SPAST: variants seen among roughly 807,000 people sequenced by gnomAD.
SPAST encodes the protein spastic paraplegia 4 (autosomal dominant; spastin).
SPAST carries 30 observed loss-of-function variants against 76.6 expected under a neutral mutation model. The ratio of observed to expected loss-of-function variants is 0.39; its 90% confidence interval spans 0.29 to 0.53. The LOEUF is 0.53. Among genes scored for constraint, SPAST ranks in the 20% least tolerant of loss-of-function variants. The pLI is 0.68. For synonymous variants in SPAST, 305 were observed against 281.0 expected (o/e 1.09, Z -0.86); for missense variants, 717 against 770.5 (o/e 0.93, Z 0.82).
Position 32,136,731 on chromosome 2 carries a change from A to C in SPAST, c.1321+93A>C, listed in dbSNP as rs1369491979. The stretch of plus-strand genomic sequence containing the variant: ...ACGATTGGAAACATTATTCAGAAGG[A>C]AGAAGTTTTAAAGAAGGGCAAGCTT... On this transcript the variant is annotated intron_variant, in intron 10 of 16. Transcript: ENST00000315285. 19 of 1,325,194 alleles carry C rather than the reference A, an allele frequency of 1.4e-5. No homozygotes were observed. In the South Asian group the frequency reaches 2.0e-4, roughly 14 times the overall value. The allele number at this position is 1,325,194 out of a possible 1,614,324, so 82.1% of individuals were successfully genotyped here.
chr2:32,120,495 C>T (rs1421555846), intron 7 of SPAST, among the ~76,000 whole-genome samples: 1 of 151,048 alleles, frequency 6.6e-6, no homozygotes, highest in Non-Finnish European at 1.5e-5. Flanking sequence ...TTCATCTTAT[C>T]GATTGATAAT....
intron 1 of SPAST, among the ~76,000 whole-genome samples, chr2:32,068,762 C>T (rs193279988): frequency 1.7e-4 from 26 of 151,820 alleles, no homozygotes; most frequent in Admixed American, 1.5e-3. Context: ...GATGTGGTGG[C>T]GGGTGTGTGT....
At chr2:32,090,448 C>T (rs915573303) in intron 3 of SPAST, among the ~76,000 whole-genome samples, 2 of 152,112 alleles carry the variant, frequency 1.3e-5, no homozygotes, top group Non-Finnish European at 1.5e-5. Flanking sequence ...TATTATACCT[C>T]TAAAAGATAA....
At chr2:32,143,951 T>C (rs1309019830) in intron 14 of SPAST, among the ~76,000 whole-genome samples, 1 of 152,224 alleles carries the variant, frequency 6.6e-6, no homozygotes, top group Admixed American at 6.5e-5. Flanking sequence ...TGAATACTTT[T>C]CAGCTCTTTT....
intron 9 of SPAST, chr2:32,129,632 C>G (rs1299816070): frequency 2.0e-5 from 3 of 152,178 alleles, no homozygotes; most frequent in Non-Finnish European, 2.9e-5. Flanking sequence ...TTGTCTTTCT[C>G]CCTCTCTCCC....
chr2:32,134,495 G>A (rs1679471128), intron 9 of SPAST, among the ~76,000 whole-genome samples: 1 of 151,596 alleles, frequency 6.6e-6, no homozygotes, highest in African/African-American at 2.4e-5. Context: ...GTAGTGACAA[G>A]GTGTCACTGT....
At chr2:32,118,476 G>A (rs952533914) in intron 7 of SPAST, among the ~76,000 whole-genome samples, 6 of 152,094 alleles carry the variant, frequency 3.9e-5, no homozygotes, top group African/African-American at 1.4e-4. Context: ...TACCACCTCA[G>A]GTCACACTTT....
rs376722371 is a variant in SPAST at position 32,147,185 on chromosome 2, T to C, written c.1688-33T>C. On this transcript the variant is annotated intron_variant, in intron 15 of 16. Transcript: ENST00000315285. ...AACAATTTCAACTGCAAAATGTATG[T>C]ATTTTTAAGTGCCTGACTTTTATGT... 2.2e-4 allele frequency: 343 copies of C among 1,550,058 alleles called. 1 individual carries two copies. The highest frequency in any genetic ancestry group is 2.8e-4 in the Non-Finnish European group (316 of 1,121,946).
chr2:32,127,157 T>C, intron 8 of SPAST, 135 bp downstream of exon 8: 1 of 724,942 alleles, frequency 1.4e-6, no homozygotes, highest in East Asian at 2.7e-5. Flanking sequence ...TTTTTTTGTT[T>C]GTTTGTTTTG....
intron 1 of SPAST, among the ~76,000 whole-genome samples, chr2:32,084,887 C>CAAA (rs34046587): frequency 2.6e-4 from 21 of 81,538 alleles, no homozygotes; most frequent in Non-Finnish European, 3.9e-4. Flanking sequence ...GACTCCGTCT[C>CAAA]AAAAAAAAAA....
chr2:32,096,628 A>G (rs1453354691), intron 3 of SPAST, among the ~76,000 whole-genome samples: 2 of 152,198 alleles, frequency 1.3e-5, no homozygotes, highest in African/African-American at 4.8e-5. Context: ...GAAATCCTAT[A>G]GCTTTTTATT....
intron 4 of SPAST, among the ~76,000 whole-genome samples, chr2:32,100,292 T>G (rs1352378526): frequency 6.6e-6 from 1 of 151,906 alleles, no homozygotes; most frequent in African/African-American, 2.4e-5. Context: ...ATCTTTGTTT[T>G]TGACGGTCCA....
chr2:32,072,440 A>C lies in SPAST; in HGVS notation c.415+8194A>C, dbSNP rs137895961. Among the ~76,000 whole-genome samples the C allele has an allele frequency of 7.8e-4, 118 of 152,120 alleles. 1 individual carries two copies. In the East Asian group the frequency reaches 0.021, roughly 27 times the overall value. On this transcript the variant is annotated intron_variant, in intron 1 of 16. Coordinates refer to ENST00000315285, the MANE Select transcript of SPAST (RefSeq NM_014946.4). ...GCGTCTTATTGCTACAAAACATCTT[A>C]ATATCTCTGTTTTAATGTTAATGCT...
intron 9 of SPAST, among the ~76,000 whole-genome samples, chr2:32,132,825 C>T (rs1160047386): frequency 6.6e-6 from 1 of 152,014 alleles, no homozygotes; most frequent in Non-Finnish European, 1.5e-5. Context: ...ATGGAGAAAC[C>T]CCATGTTTCT....
At chr2:32,117,671 A>G (rs1678887437) in intron 7 of SPAST, among the ~76,000 whole-genome samples, 1 of 150,784 alleles carries the variant, frequency 6.6e-6, no homozygotes, top group Non-Finnish European at 1.5e-5. Context: ...AGCTGGGTCT[A>G]TAGGCATGCA....
chr2:32,074,415 G>GTTT (rs1266505358), intron 1 of SPAST, among the ~76,000 whole-genome samples: 1 of 152,140 alleles, frequency 6.6e-6, no homozygotes, highest in African/African-American at 2.4e-5. Flanking sequence ...CTGATATTCT[G>GTTT]TAAGTGCCAG....
chr2:32,128,489 C>T lies in SPAST; in HGVS notation c.1245+10C>T. 6.4e-7 allele frequency: 1 copy of T among 1,559,058 alleles called. No individual in the cohort carries two copies. ...TTTAACTTCAAAATACGTGAGTGCTCTGTTTCCAATATTGTCGTATTTTAA... is the reference window on the plus strand; with the variant it reads ...TTTAACTTCAAAATACGTGAGTGCTTTGTTTCCAATATTGTCGTATTTTAA... On this transcript the variant is annotated intron_variant, in intron 9 of 16. Coordinates refer to ENST00000315285, the MANE Select transcript of SPAST (RefSeq NM_014946.4).
chr2:32,095,573 A>T (rs539856452), intron 3 of SPAST, among the ~76,000 whole-genome samples: 29 of 110,852 alleles, frequency 2.6e-4, no homozygotes, highest in Admixed American at 1.0e-3. Context: ...GTCTAAATTT[A>T]AAAAAAAAAA....
chr2:32,133,046 CA>C (rs11431898), intron 9 of SPAST, among the ~76,000 whole-genome samples: 20 of 144,972 alleles, frequency 1.4e-4, no homozygotes, highest in Non-Finnish European at 1.2e-4. Flanking sequence ...AACTCCATCT[CA>C]AAAAAAAAAA....
Sources: gnomAD v4.1 joint callset for allele counts (sites outside exome capture counted in the v4.1 genomes callset) on GRCh38, gnomAD v4.1.1 for gene constraint, MANE v1.5 for transcripts, NCBI Gene and HGNC (gene_info 2026-07-23, HGNC 2026-07-21) for gene names.